USP32: variants seen among roughly 807,000 people sequenced by gnomAD.
USP32 encodes ubiquitin carboxyl-terminal hydrolase 32.
Under a neutral mutation model 204.8 loss-of-function variants are expected in USP32, and 59 were observed. The observed-to-expected ratio is 0.29, with a 90% confidence interval of 0.23 to 0.36. The LOEUF (loss-of-function observed/expected upper bound fraction) is 0.36. Ranked by LOEUF, USP32 falls within the 10% of genes least tolerant of loss-of-function variation. The pLI, the probability that USP32 is intolerant of heterozygous loss-of-function variation, is 1.00. For missense variants in USP32, 1,160 were observed against 1,946.4 expected (o/e 0.60, Z 7.60); for synonymous variants, 517 against 678.4 (o/e 0.76, Z 3.70).
intron 4 of USP32, among the ~76,000 whole-genome samples, chr17:60,291,316 G>A (rs2087267089): frequency 6.6e-6 from 1 of 152,114 alleles, no homozygotes; most frequent in African/African-American, 2.4e-5. Flanking sequence ...TCTAAAAAGA[G>A]AAGAATAGCA....
At chr17:60,185,102 G>A (rs1229801086) in intron 30 of USP32, among the ~76,000 whole-genome samples, 6 of 152,176 alleles carry the variant, frequency 3.9e-5, no homozygotes, top group African/African-American at 1.4e-4. Flanking sequence ...TGCTCTTCTA[G>A]AGTCCACAAA....
chr17:60,402,738 T>A (rs1014046230), intron 1 of USP32, among the ~76,000 whole-genome samples: 2 of 152,202 alleles, frequency 1.3e-5, no homozygotes, highest in Admixed American at 6.5e-5. Context: ...CTTATGAAAC[T>A]GCAATGAGCA....
intron 2 of USP32, among the ~76,000 whole-genome samples, chr17:60,307,033 A>G (rs1282398168): frequency 6.6e-6 from 1 of 152,156 alleles, no homozygotes; most frequent in Non-Finnish European, 1.5e-5. Flanking sequence ...GAAATTGAAG[A>G]GGACACACAC....
intron 11 of USP32, among the ~76,000 whole-genome samples, chr17:60,242,028 T>C (rs1394866628): frequency 6.6e-6 from 1 of 152,246 alleles, no homozygotes. Context: ...GAATCCATTT[T>C]GAGTATACTT....
chr17:60,210,936 C>A, intron 21 of USP32, 77 bp downstream of exon 21: 3 of 1,505,122 alleles, frequency 2.0e-6, no homozygotes, highest in Non-Finnish European at 8.9e-7. Flanking sequence ...AAAGGCTAAA[C>A]ACAAAAAACA....
In USP32 at chr17:60,247,431, C is replaced by T. The variant is rs1159444015; in HGVS notation, c.1136+4950G>A. Among the ~76,000 whole-genome samples the T allele has an allele frequency of 4.6e-5, 7 of 152,146 alleles. 1 individual carries two copies. In the South Asian group the frequency reaches 8.3e-4, roughly 18 times the overall value. ...CTGGCCTCAGGTGATCCAGCCGTCT[C>T]GGCCTCCCAAAGTGCTGGGATTACA... On this transcript the variant is annotated intron_variant, in intron 11 of 33. Transcript: ENST00000300896.
intron 1 of USP32, among the ~76,000 whole-genome samples, chr17:60,416,273 A>G (rs1194477153): frequency 6.6e-6 from 1 of 152,210 alleles, no homozygotes; most frequent in Non-Finnish European, 1.5e-5. Flanking sequence ...TAAGCAGTAG[A>G]TGCTAAGAGT....
chr17:60,421,182 A>T (rs2090108997), intron 1 of USP32: 1 of 193,334 alleles, frequency 5.2e-6, no homozygotes, highest in East Asian at 1.9e-4. Context: ...ATCTGGAATT[A>T]ATGATCAGAA....
rs571162342 is a variant in USP32, at chr17:60,240,417, T to C, written c.1137-4177A>G. ...AGCTAGTATTTTGACAGTGATTTCC[T>C]AGAATGGCAGAAGTGGGGAGAGGGA... On this transcript the variant is annotated intron_variant, in intron 11 of 33. Transcript: ENST00000300896. Among the ~76,000 whole-genome samples the C allele has an allele frequency of 3.3e-5, 5 of 151,412 alleles. No homozygotes were observed. The South Asian group carries it at 8.3e-4, about 25-fold the overall frequency.
At chr17:60,403,706 A>G (rs930469879) in intron 1 of USP32, among the ~76,000 whole-genome samples, 7 of 152,144 alleles carry the variant, frequency 4.6e-5, no homozygotes, top group African/African-American at 1.7e-4. Context: ...GGGACAAACT[A>G]TATATTTTTT....
At chr17:60,225,985 G>T (rs1598096946) in intron 13 of USP32, 54 bp downstream of exon 13, 314 of 1,277,802 alleles carry the variant, frequency 2.5e-4, no homozygotes, top group Non-Finnish European at 3.1e-4. Context: ...AGAAAAGAAA[G>T]ACCTATCCAG....
intron 29 of USP32, among the ~76,000 whole-genome samples, chr17:60,187,761 T>G (rs918303756): frequency 2.6e-5 from 4 of 152,252 alleles, no homozygotes; most frequent in African/African-American, 9.6e-5. Context: ...TTTCCCAAAG[T>G]GATAAAGATT....
intron 3 of USP32, among the ~76,000 whole-genome samples, chr17:60,300,338 A>G (rs1339319220): frequency 6.6e-6 from 1 of 151,988 alleles, no homozygotes; most frequent in Non-Finnish European, 1.5e-5. Flanking sequence ...AAATGAATGA[A>G]CTTTTTAAAA....
intron 5 of USP32, among the ~76,000 whole-genome samples, chr17:60,281,309 C>T (rs1030897384): frequency 3.3e-5 from 5 of 152,110 alleles, no homozygotes; most frequent in South Asian, 2.1e-4. Flanking sequence ...GAGGCCGAGG[C>T]GGATGGATCA....
intron 4 of USP32, among the ~76,000 whole-genome samples, chr17:60,290,083 A>G (rs1209549309): frequency 2.0e-5 from 3 of 152,184 alleles, no homozygotes; most frequent in South Asian, 4.1e-4. Context: ...ATCAGAGTCA[A>G]CAGGCCCGGG....
At chr17:60,252,311 C>T (rs2145710577) in intron 11 of USP32, 70 bp downstream of exon 11, 1 of 1,175,554 alleles carries the variant, frequency 8.5e-7, no homozygotes, top group African/African-American at 1.5e-5. Context: ...ATAGGACATG[C>T]TGTTCCTCAG....
At chr17:60,396,744 C>T (rs1489647541), upstream of USP32, among the ~76,000 whole-genome samples, 1 of 152,152 alleles carries the variant, frequency 6.6e-6, no homozygotes, top group Admixed American at 6.5e-5. Context: ...ATTAAGATAA[C>T]GACCTTTAAC....
Position 60,292,243 on chromosome 17 carries a change from A to G in USP32, c.411+2440T>C, listed in dbSNP as rs1028325209. ...AGTCCTCTTCATCTCTCCAAACTCT[A>G]AACACTGGATGACAGGACTCATTCT... On this transcript the variant is annotated intron_variant, in intron 4 of 33. Coordinates refer to ENST00000300896, the MANE Select transcript of USP32 (RefSeq NM_032582.4). Among the ~76,000 whole-genome samples the G allele has an allele frequency of 2.0e-5, 3 of 152,022 alleles. No homozygotes were observed. In the South Asian group the frequency reaches 6.2e-4, roughly 32 times the overall value.
Position 60,183,233 on chromosome 17 carries a change from C to T in USP32, c.4055G>A (p.Gly1352Glu), listed in dbSNP as rs758491894. 3 of 1,613,982 alleles carry T rather than the reference C, an allele frequency of 1.9e-6. No homozygotes were observed. Among genetic ancestry groups the T allele is most frequent in the Non-Finnish European group, 2.5e-6 (3 of 1,179,868 alleles). ...VKKVDAQSSA[G>E]EEDVLLSKSP... ...TTTGCTCAGGAGCACGTCCTCTTCCCCAGCCGAACTCTGCGCATCCACTTT... is the reference window on the plus strand; with the variant it reads ...TTTGCTCAGGAGCACGTCCTCTTCCTCAGCCGAACTCTGCGCATCCACTTT... Residue 1352 changes from glycine to glutamate, a missense_variant, in exon 31 of 34, where the codon GGG becomes GAG. Transcript: ENST00000300896.
Sources: gnomAD v4.1 joint callset for allele counts (sites outside exome capture counted in the v4.1 genomes callset) on GRCh38, gnomAD v4.1.1 for gene constraint, MANE v1.5 for transcripts, NCBI Gene and HGNC (gene_info 2026-07-23, HGNC 2026-07-21) for gene names.